KCNQ2: variants seen among roughly 807,000 people sequenced by gnomAD.
KCNQ2 encodes potassium voltage-gated channel subfamily Q member 2, also known as potassium voltage-gated channel subfamily KQT member 2.
In KCNQ2, 14 loss-of-function variants were observed where a neutral mutation model predicts 84.8. That is an observed-to-expected ratio of 0.17 (90% CI 0.11 to 0.26). KCNQ2 has a LOEUF of 0.26. KCNQ2 is among the 10% of genes least tolerant of loss of function. KCNQ2 has a pLI of 1.00. For missense variants in KCNQ2, 788 were observed against 1,254.0 expected (o/e 0.63, Z 5.61); for synonymous variants, 599 against 554.1 (o/e 1.08, Z -1.14).
At chr20:63,469,880 C>T (rs1296789636) in intron 1 of KCNQ2, among the ~76,000 whole-genome samples, 2 of 152,212 alleles carry the variant, frequency 1.3e-5, no homozygotes, top group East Asian at 1.9e-4. Flanking sequence ...GGCTGGGCCA[C>T]GGGGACAGCA....
intron 11 of KCNQ2, 27 bp from the exon 12 acceptor site, chr20:63,419,699 C>T (rs2080407706): frequency 6.3e-7 from 1 of 1,599,982 alleles, no homozygotes; most frequent in African/African-American, 1.3e-5. Context: ...CACAGTTAGT[C>T]CTGGGCGCCG....
intron 1 of KCNQ2, among the ~76,000 whole-genome samples, chr20:63,468,748 C>T (rs757362315): frequency 3.9e-5 from 6 of 152,252 alleles, no homozygotes; most frequent in African/African-American, 2.4e-5. Context: ...AGGCCCTCCC[C>T]GGTGCCAGAT....
chr20:63,446,692 G>A lies in KCNQ2; in HGVS notation c.387+55C>T. ...ACAGGAACGGAAGACAGACGCCCAG[G>A]CAGCTCCAGCTCCTTCCTGGGCACT... On this transcript the variant is annotated intron_variant, in intron 2 of 16. Coordinates refer to ENST00000359125, the MANE Select transcript of KCNQ2 (RefSeq NM_172107.4). This position sits in a 1 kb window ranked among gnomAD's most constrained non-coding sequence, Gnocchi z 5.5. The A allele has an allele frequency of 1.4e-6, 2 of 1,434,874 alleles. No homozygotes were observed. Among genetic ancestry groups the A allele is most frequent in the African/African-American group, 1.4e-5 (1 of 71,262 alleles). The allele number at this position is 1,434,874 out of a possible 1,614,324, so 88.9% of individuals were successfully genotyped here. A position where few individuals can be genotyped will look rare whatever the true frequency, so the allele number is the denominator to read the frequency against.
At chr20:63,456,246 G>A (rs2081793267) in intron 1 of KCNQ2, among the ~76,000 whole-genome samples, 1 of 152,168 alleles carries the variant, frequency 6.6e-6, no homozygotes, top group African/African-American at 2.4e-5. Context: ...TGGTTGAAGG[G>A]GATATTTCTT....
intron 15 of KCNQ2, among the ~76,000 whole-genome samples, chr20:63,412,850 A>C (rs1297459998): frequency 2.6e-5 from 4 of 151,920 alleles, no homozygotes; most frequent in African/African-American, 4.8e-5. Context: ...CAACATAAAC[A>C]CCCACTCGTG....
At chr20:63,427,734 C>G (rs1020815384) in intron 10 of KCNQ2, among the ~76,000 whole-genome samples, 1 of 152,318 alleles carries the variant, frequency 6.6e-6, no homozygotes, top group South Asian at 2.1e-4. Flanking sequence ...AGGGCCCGCC[C>G]GGAAAATCCA....
At chr20:63,418,071 C>T (rs1200674207) in intron 12 of KCNQ2, among the ~76,000 whole-genome samples, 1 of 152,226 alleles carries the variant, frequency 6.6e-6, no homozygotes, top group African/African-American at 2.4e-5. Flanking sequence ...ATGACCCAAA[C>T]TCTGCACCCT....
At chr20:63,442,701 T>TCACCACCAC (rs1455961784) in intron 4 of KCNQ2, among the ~76,000 whole-genome samples, 170 bp from the exon 5 acceptor site, 1 of 48,068 alleles carries the variant, frequency 2.1e-5, no homozygotes, top group Admixed American at 2.1e-4. Context: ...ATCACCACCA[T>TCACCACCAC]CACCATCACC....
intron 7 of KCNQ2, among the ~76,000 whole-genome samples, chr20:63,436,321 G>A (rs2081002145): frequency 6.6e-6 from 1 of 152,226 alleles, no homozygotes; most frequent in Admixed American, 6.5e-5. Context: ...CACGAAGTCA[G>A]GAGATCGAGA....
chr20:63,457,338 G>T (rs2081830048), intron 1 of KCNQ2, among the ~76,000 whole-genome samples: 1 of 152,258 alleles, frequency 6.6e-6, no homozygotes, highest in Non-Finnish European at 1.5e-5. Flanking sequence ...ATGGGGCAGG[G>T]ACGGGAGGTG....
intron 15 of KCNQ2, among the ~76,000 whole-genome samples, chr20:63,410,291 G>A (rs939348348): frequency 1.3e-5 from 2 of 152,176 alleles, no homozygotes; most frequent in Non-Finnish European, 2.9e-5. Context: ...CCCTGGCCAC[G>A]GGCTCAGCCT....
chr20:63,430,231 AG>A (rs2080752661), intron 9 of KCNQ2, among the ~76,000 whole-genome samples: 1 of 152,010 alleles, frequency 6.6e-6, no homozygotes, highest in Admixed American at 6.5e-5. Flanking sequence ...CAACAAGGGG[AG>A]GGGGCGGCCC....
chr20:63,432,133 GAT>G (rs2080821207), intron 8 of KCNQ2, among the ~76,000 whole-genome samples: 2 of 147,448 alleles, frequency 1.4e-5, no homozygotes, highest in Non-Finnish European at 3.0e-5. Context: ...CTCAGGGAAG[GAT>G]CCACCCACAG....
At chr20:63,462,255 C>T (rs2145873651) in intron 1 of KCNQ2, among the ~76,000 whole-genome samples, 1 of 146,780 alleles carries the variant, frequency 6.8e-6, no homozygotes, top group South Asian at 2.2e-4. Flanking sequence ...GAGGCAGCAC[C>T]TACCCCAGGC....
At chr20:63,415,839 C>T (rs2080280521) in intron 12 of KCNQ2, among the ~76,000 whole-genome samples, 2 of 152,136 alleles carry the variant, frequency 1.3e-5, no homozygotes, top group African/African-American at 4.8e-5. Flanking sequence ...ACACCCGTAA[C>T]TGCTCCCAGG....
intron 1 of KCNQ2, among the ~76,000 whole-genome samples, chr20:63,458,686 C>T (rs1017128608): frequency 2.6e-5 from 4 of 152,164 alleles, no homozygotes; most frequent in African/African-American, 9.7e-5. Flanking sequence ...CAGACAGTGG[C>T]CCCAAGTGCC....
chr20:63,415,216 G>A lies in KCNQ2; in HGVS notation c.1302-90C>T, dbSNP rs993305349. The A allele has an allele frequency of 1.6e-4, 194 of 1,203,000 alleles. No homozygotes were observed. The Middle Eastern group carries it at 1.7e-3, about 10-fold the overall frequency. The allele number at this position is 1,203,000 out of a possible 1,614,324, so 74.5% of individuals were successfully genotyped here. A position where few individuals can be genotyped will look rare whatever the true frequency, so the allele number is the denominator to read the frequency against. On this transcript the variant is annotated intron_variant, in intron 12 of 16. Coordinates refer to ENST00000359125, the MANE Select transcript of KCNQ2 (RefSeq NM_172107.4). Reference sequence around the variant, plus strand: ...CAGGCCGTGTCTGCTCATGGCCGACGCCGCCCATGCGCCGGAGGGAGACAC... The same window carrying A: ...CAGGCCGTGTCTGCTCATGGCCGACACCGCCCATGCGCCGGAGGGAGACAC...
At chr20:63,426,500 CT>C (rs11479722) in intron 10 of KCNQ2, among the ~76,000 whole-genome samples, 77,329 of 146,480 alleles carry the variant, frequency 0.53, 19,961 homozygotes, top group East Asian at 0.6. Context: ...CCCTGAATGC[CT>C]TTTTTTTTTT....
chr20:63,446,738 G>C lies in KCNQ2; in HGVS notation c.387+9C>G. 1.2e-6 allele frequency: 2 copies of C among 1,611,128 alleles called. No homozygotes were observed. Among genetic ancestry groups the C allele is most frequent in the Non-Finnish European group, 1.7e-6 (2 of 1,177,960 alleles). ...GCACTTCCAGCCCCCGCCCTCCCTC[G>C]GGGCTCACCAGGATGTAGAGGGCCC... is the stretch of plus-strand genomic sequence containing the variant. On this transcript the variant is annotated intron_variant, in intron 2 of 16. Transcript: ENST00000359125. This position sits in a 1 kb window ranked among gnomAD's most constrained non-coding sequence, Gnocchi z 5.5.
Sources: gnomAD v4.1 joint callset for allele counts (sites outside exome capture counted in the v4.1 genomes callset) on GRCh38, gnomAD v4.1.1 for gene constraint, Gnocchi (gnomAD v3.1) non-coding constraint, MANE v1.5 for transcripts, NCBI Gene and HGNC (gene_info 2026-07-23, HGNC 2026-07-21) for gene names.